The following LPA variants were observed in gnomAD, a reference collection of about 807,000 sequenced individuals.
LPA encodes the protein lipoprotein(a).
A neutral mutation model predicts 197.9 loss-of-function variants in LPA; 199 were observed. The observed-to-expected ratio is 1.01, with a 90% confidence interval of 0.90 to 1.13. The LOEUF is 1.13. LPA is among the 50% of genes most tolerant of loss of function. LPA has a pLI of 0.00. For missense variants in LPA, 1,853 were observed against 1,785.8 expected, an observed-to-expected ratio of 1.04 and a Z score of -0.68; for synonymous variants, 715 against 639.5, an observed-to-expected ratio of 1.12 and a Z score of -1.78.
chr6:160,533,809 TCTC>T (rs1777842716), intron 37 of LPA, among the ~76,000 whole-genome samples: 2 of 152,322 alleles, frequency 1.3e-5, no homozygotes, highest in South Asian at 2.1e-4. Flanking sequence ...TAGGGACAAT[TCTC>T]CTCGTTGTAG....
At chr6:160,604,440 G>A (rs73785607) in intron 18 of LPA, among the ~76,000 whole-genome samples, 33 of 152,164 alleles carry the variant, frequency 2.2e-4, no homozygotes, top group African/African-American at 8.0e-4. Context: ...GTCAGACCTG[G>A]GCTTCTGTCC....
At chr6:160,539,930 C>G (rs2114997503) in intron 36 of LPA, 113 bp downstream of exon 36, 3 of 1,455,226 alleles carry the variant, frequency 2.1e-6, no homozygotes, top group South Asian at 2.3e-5. Flanking sequence ...TTGAGCCTTT[C>G]ATGTGATAGA....
intron 36 of LPA, among the ~76,000 whole-genome samples, chr6:160,538,401 T>C (rs7750767): frequency 0.021 from 3,239 of 152,312 alleles, 96 homozygotes; most frequent in African/African-American, 0.073. Context: ...TTGCTCCATC[T>C]GGATCCTCCA....
intron 28 of LPA, among the ~76,000 whole-genome samples, chr6:160,568,192 G>T (rs1004606857): frequency 1.3e-5 from 2 of 151,972 alleles, no homozygotes; most frequent in Admixed American, 6.6e-5. Context: ...ACAAAAATGA[G>T]AATTTTAGAC....
intron 16 of LPA, 97 bp downstream of exon 16, chr6:160,611,465 A>G (rs112092923): frequency 0.014 from 22,387 of 1,551,340 alleles, 354 homozygotes; most frequent in South Asian, 0.029. Context: ...TGAATCTGAC[A>G]CAAGTTGAGT....
At chr6:160,652,547 G>A (rs1780026491) in intron 1 of LPA, among the ~76,000 whole-genome samples, 1 of 152,106 alleles carries the variant, frequency 6.6e-6, no homozygotes, top group Admixed American at 6.6e-5. Context: ...AATGCTAAAG[G>A]TTGTTTTTCA....
At chr6:160,600,729 G>T (rs1411417324) in intron 19 of LPA, among the ~76,000 whole-genome samples, 188 bp downstream of exon 19, 1 of 152,034 alleles carries the variant, frequency 6.6e-6, no homozygotes, top group African/African-American at 2.4e-5. Context: ...GACACAGCTC[G>T]CACAGGTTGC....
At position 160,584,513 on chromosome 6, in the gene LPA, G is replaced by A. The variant is rs190754740; in HGVS notation, c.4289+533C>T. Among the ~76,000 whole-genome samples the A allele has an allele frequency of 1.4e-3, 205 of 151,462 alleles. 2 individuals carry two copies. Among genetic ancestry groups the A allele is most frequent in the African/African-American group, 4.3e-3 (177 of 41,284 alleles). ...TGACCGGCTAATTTTTTAATTTTTCGTAGAGATGGGGTTTTGCCATGTTAG... is the reference window on the plus strand; with the variant it reads ...TGACCGGCTAATTTTTTAATTTTTCATAGAGATGGGGTTTTGCCATGTTAG... On this transcript the variant is annotated intron_variant, in intron 26 of 38. Coordinates refer to ENST00000316300, the MANE Select transcript of LPA (RefSeq NM_005577.4).
At chr6:160,549,524 G>A (rs953306077) in intron 30 of LPA, among the ~76,000 whole-genome samples, 2 of 152,186 alleles carry the variant, frequency 1.3e-5, no homozygotes, top group Non-Finnish European at 2.9e-5. Context: ...AGGAGGAAAT[G>A]CCATCCAAGA....
chr6:160,581,706 G>A (rs1474247277), intron 26 of LPA, among the ~76,000 whole-genome samples: 2 of 152,094 alleles, frequency 1.3e-5, no homozygotes, highest in Non-Finnish European at 2.9e-5. Flanking sequence ...TTTAAAGATT[G>A]TCTTGGTGAT....
At chr6:160,653,988 A>AT (rs1355029979) in intron 1 of LPA, among the ~76,000 whole-genome samples, 1 of 17,550 alleles carries the variant, frequency 5.7e-5, no homozygotes, top group African/African-American at 2.4e-4. Flanking sequence ...TATAATATAT[A>AT]ATATATATTA....
At chr6:160,611,373 G>T (rs1433273122) in intron 16 of LPA, among the ~76,000 whole-genome samples, 189 bp downstream of exon 16, 2 of 151,994 alleles carry the variant, frequency 1.3e-5, no homozygotes, top group Admixed American at 6.6e-5. Flanking sequence ...AAACTAGGAG[G>T]AAGGTGAGGC....
In LPA at chr6:160,651,058, C is replaced by A. The variant is rs139458354; in HGVS notation, c.50-561G>T. Among the ~76,000 whole-genome samples, 335 of 152,258 alleles carry A rather than the reference C, an allele frequency of 2.2e-3. 1 individual carries two copies. Among genetic ancestry groups the A allele is most frequent in the African/African-American group, 7.6e-3 (314 of 41,566 alleles). On this transcript the variant is annotated intron_variant, in intron 1 of 38. Transcript: ENST00000316300. ...CCTTGGAGGAGAGACTGGAAATTTT[C>A]TTGTGCCCAGCATCCTGCATTGCAA...
At chr6:160,610,154 A>C (rs1218084313) in intron 16 of LPA, among the ~76,000 whole-genome samples, 1 of 152,092 alleles carries the variant, frequency 6.6e-6, no homozygotes, top group Non-Finnish European at 1.5e-5. Flanking sequence ...GTCATGGATC[A>C]CACGAAATTC....
Position 160,611,497 on chromosome 6 carries a change from A to T in LPA, c.2603+65T>A, listed in dbSNP as rs1011110555. 4 of 1,594,150 alleles carry T rather than the reference A, an allele frequency of 2.5e-6. No individual in the cohort carries two copies. The East Asian group carries it at 6.7e-5, about 27-fold the overall frequency. Reference sequence around the variant, plus strand: ...GAGTTCGGAGAACTCAGCTTGAAGCATGTCTCTTGTCACAGAAACTTCAGT... The same window carrying T: ...GAGTTCGGAGAACTCAGCTTGAAGCTTGTCTCTTGTCACAGAAACTTCAGT... On this transcript the variant is annotated intron_variant, in intron 16 of 38. Transcript: ENST00000316300.
At chr6:160,542,082 A>G (rs1366711506) in intron 34 of LPA, among the ~76,000 whole-genome samples, 1 of 152,172 alleles carries the variant, frequency 6.6e-6, no homozygotes, top group Non-Finnish European at 1.5e-5. Context: ...TTCCTAAGAG[A>G]CACCCAAGCA....
rs780150770 is a variant in LPA, at chr6:160,532,635, C to T, written c.5857G>A (p.Gly1953Ser). Residue 1953 changes from glycine to serine, a missense_variant, in exon 38 of 39, where the codon GGC becomes AGC. Transcript: ENST00000316300. The stretch of plus-strand genomic sequence containing the variant: ...AGGAGCTGGGCTTCCTTGAGAAGGC[C>T]AGTCCCAAAGGTACCTGTGTTTAAA... ...WGETQGTFGT[G>S]LLKEAQLLVI... 5 of 1,604,246 alleles carry T rather than the reference C, an allele frequency of 3.1e-6. No homozygotes were observed. The highest frequency in any genetic ancestry group is 1.3e-5 in the African/African-American group (1 of 74,698).
intron 28 of LPA, among the ~76,000 whole-genome samples, chr6:160,570,121 C>T (rs1778536502): frequency 6.6e-6 from 1 of 152,126 alleles, no homozygotes; most frequent in Non-Finnish European, 1.5e-5. Context: ...TTGACACAGC[C>T]ATACAATTAC....
chr6:160,585,671 G>A (rs745768611), intron 25 of LPA, among the ~76,000 whole-genome samples: 4 of 152,044 alleles, frequency 2.6e-5, no homozygotes, highest in East Asian at 1.9e-4. Flanking sequence ...GGGGTGTGGG[G>A]CAGAAAAGGA....
Sources: allele counts gnomAD v4.1 joint callset (sites outside exome capture counted in the v4.1 genomes callset), GRCh38; gene constraint gnomAD v4.1.1; transcripts MANE v1.5; gene names NCBI Gene and HGNC (gene_info 2026-07-23, HGNC 2026-07-21).